IQGAP1: variants seen among roughly 807,000 people sequenced by gnomAD.
IQGAP1 encodes IQ motif containing GTPase activating protein 1, also known as ras GTPase-activating-like protein IQGAP1.
In IQGAP1, 66 loss-of-function variants were observed where a neutral mutation model predicts 215.6. The ratio of observed to expected loss-of-function variants is 0.31; its 90% CI spans 0.25 to 0.38. IQGAP1 has a LOEUF of 0.38. Ranked by LOEUF, IQGAP1 falls within the 10% of genes least tolerant of loss-of-function variation. The probability of loss-of-function intolerance (pLI) is 1.00; values close to 1 mark genes in which losing one functional copy is unlikely to be tolerated. For missense variants in IQGAP1, 1,712 were observed against 1,997.1 expected (o/e 0.86, Z 2.72); for synonymous variants, 772 against 728.7 (o/e 1.06, Z -0.96).
At chr15:90,428,952 C>G (rs1338883246) in intron 3 of IQGAP1, among the ~76,000 whole-genome samples, 3 of 152,094 alleles carry the variant, frequency 2.0e-5, no homozygotes, top group African/African-American at 4.8e-5. Context: ...CTCCCAGGTT[C>G]AACGATTCTC....
intron 2 of IQGAP1, among the ~76,000 whole-genome samples, chr15:90,392,362 A>C (rs1964647342): frequency 6.6e-6 from 1 of 152,242 alleles, no homozygotes; most frequent in Non-Finnish European, 1.5e-5. Flanking sequence ...TAAGAAAACA[A>C]AAACTGTAAG....
At chr15:90,408,467 A>C (rs1386578791) in intron 2 of IQGAP1, among the ~76,000 whole-genome samples, 1 of 152,204 alleles carries the variant, frequency 6.6e-6, no homozygotes. Context: ...CCTTATGTAC[A>C]TAAATAACTA....
chr15:90,450,566 C>G (rs762924103), intron 11 of IQGAP1, among the ~76,000 whole-genome samples: 2 of 151,496 alleles, frequency 1.3e-5, no homozygotes, highest in Non-Finnish European at 2.9e-5. Flanking sequence ...ATTTATATTC[C>G]CATCAACAGT....
intron 1 of IQGAP1, among the ~76,000 whole-genome samples, chr15:90,389,790 TA>T (rs559734539): frequency 0.016 from 2,191 of 134,694 alleles, 22 homozygotes; most frequent in African/African-American, 0.037. Flanking sequence ...CTCCATCTCT[TA>T]AAAAAAAAAA....
At chr15:90,498,452 A>G (rs1038595292) in intron 37 of IQGAP1, among the ~76,000 whole-genome samples, 3 of 151,944 alleles carry the variant, frequency 2.0e-5, no homozygotes, top group Admixed American at 1.3e-4. Context: ...TTATCAGAAC[A>G]TATTTTTATT....
At chr15:90,395,184 T>G (rs1306561713) in intron 2 of IQGAP1, among the ~76,000 whole-genome samples, 1 of 152,184 alleles carries the variant, frequency 6.6e-6, no homozygotes, top group East Asian at 1.9e-4. Flanking sequence ...ATTCAAGGCT[T>G]TTTGCTAAGG....
chr15:90,472,193 T>C (rs1027035001), intron 18 of IQGAP1, among the ~76,000 whole-genome samples: 5 of 152,198 alleles, frequency 3.3e-5, no homozygotes, highest in African/African-American at 1.2e-4. Flanking sequence ...GAGGATTGCT[T>C]GAGCCCAGGA....
chr15:90,393,437 G>A (rs1335565413), intron 2 of IQGAP1: 1 of 151,044 alleles, frequency 6.6e-6, no homozygotes, highest in Non-Finnish European at 1.5e-5. Flanking sequence ...ACACTGTATT[G>A]TTTTATTTAT....
intron 15 of IQGAP1, among the ~76,000 whole-genome samples, chr15:90,456,594 T>G (rs1322063800): frequency 6.6e-6 from 1 of 151,620 alleles, no homozygotes; most frequent in Non-Finnish European, 1.5e-5. Flanking sequence ...GATCCAGGGC[T>G]GGGCGCAGTG....
intron 34 of IQGAP1, 58 bp downstream of exon 34, chr15:90,491,603 A>G (rs1966205905): frequency 7.3e-7 from 1 of 1,375,256 alleles, no homozygotes; most frequent in Non-Finnish European, 1.0e-6. Flanking sequence ...GAGGCTCGAG[A>G]GACAGTAGCT....
At chr15:90,497,914 T>G (rs1356369506) in intron 37 of IQGAP1, among the ~76,000 whole-genome samples, 1 of 152,160 alleles carries the variant, frequency 6.6e-6, no homozygotes, top group African/African-American at 2.4e-5. Context: ...TCCTTTAGCT[T>G]TGTGTGTGTG....
chr15:90,467,429 C>G, intron 17 of IQGAP1, 21 bp from the exon 18 acceptor site: 1 of 1,603,252 alleles, frequency 6.2e-7, no homozygotes, highest in Non-Finnish European at 8.5e-7. Flanking sequence ...TGTCTTCTAT[C>G]TTTCCTTTAT....
intron 11 of IQGAP1, among the ~76,000 whole-genome samples, chr15:90,451,764 TCTC>T (rs57237265): frequency 0.026 from 3,888 of 152,118 alleles, 134 homozygotes; most frequent in African/African-American, 0.084. Context: ...CAAAAAATGT[TCTC>T]CTCATGGCTG....
At chr15:90,456,388 T>C (rs1965680770) in intron 15 of IQGAP1, 73 bp downstream of exon 15, 1 of 1,460,810 alleles carries the variant, frequency 6.8e-7, no homozygotes, top group Non-Finnish European at 9.4e-7. Flanking sequence ...GAGGTAGGAA[T>C]ATCTTCCTTG....
chr15:90,416,678 C>T (rs1460314303), intron 2 of IQGAP1, among the ~76,000 whole-genome samples: 8 of 151,758 alleles, frequency 5.3e-5, no homozygotes, highest in Admixed American at 2.0e-4. Context: ...CCCGTGTTCA[C>T]GCCATTCTCC....
intron 4 of IQGAP1, among the ~76,000 whole-genome samples, chr15:90,430,860 T>C (rs1281960786): frequency 6.6e-6 from 1 of 150,414 alleles, no homozygotes; most frequent in African/African-American, 2.4e-5. Context: ...AAATATTGTA[T>C]ACATTTTATA....
chr15:90,498,922 G>A (rs1966307539), intron 37 of IQGAP1, among the ~76,000 whole-genome samples: 1 of 151,890 alleles, frequency 6.6e-6, no homozygotes, highest in African/African-American at 2.4e-5. Flanking sequence ...TGATTCTCCT[G>A]CCTCAGCCTC....
chr15:90,431,250 C>G (rs189999564), intron 4 of IQGAP1: 42 of 151,992 alleles, frequency 2.8e-4, no homozygotes, highest in African/African-American at 9.9e-4. Context: ...TTCCTTGCCA[C>G]TGGTATGTTT....
chr15:90,489,895 C>T (rs938518743), intron 33 of IQGAP1, among the ~76,000 whole-genome samples: 8 of 152,184 alleles, frequency 5.3e-5, no homozygotes, highest in Admixed American at 2.0e-4. Context: ...TCCCATGAGT[C>T]GAGTCTTTTC....
Sources: allele counts gnomAD v4.1 joint callset (sites outside exome capture counted in the v4.1 genomes callset), GRCh38; gene constraint gnomAD v4.1.1; transcripts MANE v1.5; gene names NCBI Gene and HGNC (gene_info 2026-07-23, HGNC 2026-07-21).